The following UST variants were observed in gnomAD, a reference collection of about 807,000 sequenced individuals.
UST encodes uronyl 2-sulfotransferase, also known as chondroitin sulfate 2-O-sulfotransferase.
A neutral mutation model predicts 45.6 loss-of-function variants in UST; 21 were observed. The observed-to-expected ratio is 0.46, with a 90% CI of 0.33 to 0.66. The LOEUF (loss-of-function observed/expected upper bound fraction) is 0.66. Among genes scored for constraint, UST ranks in the 30% least tolerant of loss-of-function variants. The probability of loss-of-function intolerance (pLI) is 0.02; values close to 1 mark genes in which losing one functional copy is unlikely to be tolerated. For missense variants in UST, 463 were observed against 512.4 expected (o/e 0.90, Z 0.93); for synonymous variants, 215 against 200.6 (o/e 1.07, Z -0.61).
chr6:148,810,796 T>C (rs897751950), intron 1 of UST, among the ~76,000 whole-genome samples: 1 of 152,230 alleles, frequency 6.6e-6, no homozygotes, highest in African/African-American at 2.4e-5. Context: ...AACCTGACTC[T>C]GGTGTTAAAA....
intron 2 of UST, among the ~76,000 whole-genome samples, chr6:148,922,335 T>G (rs1779725162): frequency 6.9e-6 from 1 of 145,268 alleles, no homozygotes; most frequent in Non-Finnish European, 1.5e-5. Context: ...GCATTTCATA[T>G]AAGTGGAATC....
intron 2 of UST, among the ~76,000 whole-genome samples, chr6:148,898,182 T>G (rs1779172956): frequency 6.6e-6 from 1 of 152,258 alleles, no homozygotes; most frequent in African/African-American, 2.4e-5. Context: ...AGTTTCACTC[T>G]GATGAACATG....
intron 1 of UST, among the ~76,000 whole-genome samples, chr6:148,854,065 AAAAC>A (rs1177706347): frequency 6.6e-6 from 1 of 152,252 alleles, no homozygotes; most frequent in South Asian, 2.1e-4. Context: ...AGTTGACAGA[AAAAC>A]AAACAAAAAG....
chr6:148,841,932 C>T (rs985176823), intron 1 of UST, among the ~76,000 whole-genome samples: 8 of 152,152 alleles, frequency 5.3e-5, no homozygotes, highest in Non-Finnish European at 1.2e-4. Context: ...ATGGAGAAAC[C>T]CCATCTCTCC....
intron 5 of UST, among the ~76,000 whole-genome samples, chr6:148,968,234 A>C (rs1780842569): frequency 6.6e-6 from 1 of 152,244 alleles, no homozygotes; most frequent in South Asian, 2.1e-4. Flanking sequence ...TGTTACAGCA[A>C]TTTGTTTTCA....
intron 7 of UST, among the ~76,000 whole-genome samples, chr6:149,048,191 A>T (rs972645428): frequency 2.0e-5 from 3 of 150,586 alleles, no homozygotes; most frequent in African/African-American, 4.9e-5. Context: ...TTTTGGGGGG[A>T]TGGGGTTTTG....
At position 149,021,329 on chromosome 6, in the gene UST, C is replaced by CT. The variant is rs1422487223; in HGVS notation, c.786dup (p.Gly263TrpfsTer2). 5 of 1,611,180 alleles carry CT rather than the reference C, an allele frequency of 3.1e-6. No individual in the cohort carries two copies. Among genetic ancestry groups the CT allele is most frequent in the Non-Finnish European group, 4.2e-6 (5 of 1,178,498 alleles). ...AAATTTTTATATCCATAAAGGGAGCCTGGTGAATGGGCCCTTGAGAGAGCA... is the reference window on the plus strand; with the variant it reads ...AAATTTTTATATCCATAAAGGGAGCCTTGGTGAATGGGCCCTTGAGAGAGCA... On this transcript the variant is annotated frameshift_variant, in exon 7 of 8. Transcript: ENST00000367463. LOFTEE classifies it high-confidence loss of function.
intron 1 of UST, among the ~76,000 whole-genome samples, chr6:148,779,112 A>ATT (rs140936430): frequency 7.7e-4 from 107 of 138,352 alleles, no homozygotes; most frequent in South Asian, 2.1e-3. Context: ...TTTGTGGCAC[A>ATT]TTTTTTTTTT....
intron 2 of UST, among the ~76,000 whole-genome samples, chr6:148,938,624 A>T (rs1270918172): frequency 1.3e-5 from 2 of 152,084 alleles, no homozygotes; most frequent in East Asian, 3.8e-4. Context: ...ACCTTCTGTT[A>T]TGAGTATGTG....
chr6:148,820,426 C>A (rs1437919177), intron 1 of UST, among the ~76,000 whole-genome samples: 1 of 152,102 alleles, frequency 6.6e-6, no homozygotes, highest in African/African-American at 2.4e-5. Flanking sequence ...CAAACTTGTT[C>A]TCCCTCTAAA....
At chr6:148,877,720 GGGT>G (rs1778712332) in intron 1 of UST, among the ~76,000 whole-genome samples, 1 of 116,630 alleles carries the variant, frequency 8.6e-6, no homozygotes, top group Non-Finnish European at 1.7e-5. Context: ...TGTATGAGTG[GGGT>G]GGTCGTGTAT....
chr6:148,943,885 C>T (rs757776741), intron 3 of UST, among the ~76,000 whole-genome samples: 1 of 152,116 alleles, frequency 6.6e-6, no homozygotes, highest in Non-Finnish European at 1.5e-5. Context: ...AATGTGAAAA[C>T]AAACATAATA....
rs553381617 is a variant in UST at position 148,835,069 on chromosome 6, C to T, written c.248-51917C>T. On this transcript the variant is annotated intron_variant, in intron 1 of 7. Transcript: ENST00000367463. ...ATGATCCCTATGCAATATACTAAGC[C>T]CTCTGGATCCTCAGGTTCTGTGTCT... Among the ~76,000 whole-genome samples, 3 of 152,122 alleles carry T rather than the reference C, an allele frequency of 2.0e-5. No homozygotes were observed. The South Asian group carries it at 6.2e-4, about 32-fold the overall frequency.
chr6:148,842,097 C>T (rs1412532513), intron 1 of UST, among the ~76,000 whole-genome samples: 3 of 152,134 alleles, frequency 2.0e-5, no homozygotes, highest in Admixed American at 6.5e-5. Context: ...CAGAGTGAGA[C>T]TCTGTCCCAA....
intron 7 of UST, among the ~76,000 whole-genome samples, chr6:149,037,824 G>T (rs943294209): frequency 6.6e-6 from 1 of 152,222 alleles, no homozygotes; most frequent in African/African-American, 2.4e-5. Flanking sequence ...GGATTAGGTA[G>T]GGAAAACAAT....
chr6:148,935,823 G>A (rs945167014), intron 2 of UST, among the ~76,000 whole-genome samples: 2 of 152,110 alleles, frequency 1.3e-5, no homozygotes, highest in African/African-American at 4.8e-5. Flanking sequence ...GCTTCCATTA[G>A]CTTTCTAGAA....
intron 1 of UST, among the ~76,000 whole-genome samples, chr6:148,758,124 T>C (rs981184898): frequency 6.6e-6 from 1 of 152,212 alleles, no homozygotes; most frequent in African/African-American, 2.4e-5. Flanking sequence ...CACACACTCA[T>C]ATCAGAACAC....
At chr6:149,017,168 G>A (rs1175690309) in intron 5 of UST, among the ~76,000 whole-genome samples, 1 of 152,212 alleles carries the variant, frequency 6.6e-6, no homozygotes, top group African/African-American at 2.4e-5. Context: ...ATGAGGTCAG[G>A]AGATGGAGAC....
At chr6:148,942,412 G>A (rs567368789) in intron 3 of UST, among the ~76,000 whole-genome samples, 2 of 152,154 alleles carry the variant, frequency 1.3e-5, no homozygotes, top group African/African-American at 4.8e-5. Flanking sequence ...AAAAAAATTA[G>A]CTGGGCATGG....
Sources: gnomAD v4.1 joint callset for allele counts (sites outside exome capture counted in the v4.1 genomes callset) on GRCh38, gnomAD v4.1.1 for gene constraint, MANE v1.5 for transcripts, NCBI Gene and HGNC (gene_info 2026-07-23, HGNC 2026-07-21) for gene names.